Variants in GCLC observed in about 807,000 individuals in gnomAD.
GCLC encodes glutamate--cysteine ligase catalytic subunit.
A neutral mutation model predicts 81.5 loss-of-function variants in GCLC; 30 were observed. That is an observed-to-expected ratio of 0.37 (90% CI 0.28 to 0.50). The LOEUF (loss-of-function observed/expected upper bound fraction) is 0.50. GCLC is among the 20% of genes least tolerant of loss of function. The probability of loss-of-function intolerance (pLI) is 0.96; values close to 1 mark genes in which losing one functional copy is unlikely to be tolerated. For missense variants in GCLC, 556 were observed against 777.4 expected (o/e 0.72, Z 3.39); for synonymous variants, 262 against 273.3 (o/e 0.96, Z 0.41).
chr6:53,530,734 G>T (rs940231876), intron 1 of GCLC, among the ~76,000 whole-genome samples: 5 of 152,292 alleles, frequency 3.3e-5, no homozygotes, highest in East Asian at 1.9e-4. Flanking sequence ...CATTTCACTA[G>T]AAGAGAATTA....
chr6:53,526,254 G>A (rs924375720), intron 1 of GCLC, among the ~76,000 whole-genome samples: 3 of 152,174 alleles, frequency 2.0e-5, no homozygotes, highest in African/African-American at 7.2e-5. Flanking sequence ...GTACTTTTAT[G>A]TTAATCTGAA....
At chr6:53,525,383 T>C (rs747984994) in intron 1 of GCLC, among the ~76,000 whole-genome samples, 7 of 152,304 alleles carry the variant, frequency 4.6e-5, no homozygotes, top group Admixed American at 1.3e-4. Flanking sequence ...ACCGAGATGA[T>C]TGGTGATAAT....
At chr6:53,532,241 C>A (rs1763183062) in intron 1 of GCLC, among the ~76,000 whole-genome samples, 1 of 152,222 alleles carries the variant, frequency 6.6e-6, no homozygotes, top group Non-Finnish European at 1.5e-5. Flanking sequence ...CCCTTGTGGG[C>A]ATATCAGAAG....
intron 8 of GCLC, among the ~76,000 whole-genome samples, chr6:53,508,195 G>C (rs964008378): frequency 1.3e-5 from 2 of 152,124 alleles, no homozygotes; most frequent in Admixed American, 6.5e-5. Context: ...AGAGATGCAA[G>C]GGTTACTTTA....
intron 1 of GCLC, 119 bp from the exon 2 acceptor site, chr6:53,522,646 A>G (rs1371094187): frequency 4.3e-6 from 3 of 691,986 alleles, no homozygotes. Context: ...AACTCCAGAC[A>G]GTCACATTTG....
In GCLC at chr6:53,506,762, GA is replaced by G. The variant is rs1764623248; in HGVS notation, c.1197+150del. ...AAGTTCTTTACTGCACTGGGTAAAT[GA>G]AAGTCTTATGAAATTTCTTTTGTGT... On this transcript the variant is annotated intron_variant, in intron 10 of 15. Transcript: ENST00000650454. The surrounding 1 kb of genome is among the most constrained non-coding windows in gnomAD (Gnocchi z 4.0). 3.1e-6 allele frequency: 2 copies of G among 649,362 alleles called. No homozygotes were observed. Among genetic ancestry groups the G allele is most frequent in the Admixed American group, 5.1e-5 (2 of 38,946 alleles). 40.2% of individuals were successfully genotyped at this position (649,362 alleles called of 1,614,324 possible). A position where few individuals can be genotyped will look rare whatever the true frequency, so the allele number is the denominator to read the frequency against.
intron 3 of GCLC, 90 bp from the exon 4 acceptor site, chr6:53,516,312 C>A (rs1764870889): frequency 1.2e-6 from 1 of 819,636 alleles, no homozygotes; most frequent in East Asian, 2.5e-5. Context: ...GCCAAAGACA[C>A]CTCATTTCTA....
intron 14 of GCLC, 32 bp downstream of exon 14, chr6:53,500,215 G>C (rs1764480980): frequency 6.2e-7 from 1 of 1,613,186 alleles, no homozygotes; most frequent in Non-Finnish European, 8.5e-7. Flanking sequence ...GATGTGCACA[G>C]TGAGGGGTAC....
intron 1 of GCLC, among the ~76,000 whole-genome samples, chr6:53,535,605 C>T (rs1000032438): frequency 6.6e-6 from 1 of 152,196 alleles, no homozygotes; most frequent in Non-Finnish European, 1.5e-5. Flanking sequence ...ATAATACTTA[C>T]ATCCAAAATA....
intron 1 of GCLC, among the ~76,000 whole-genome samples, chr6:53,536,685 T>C (rs954025883): frequency 2.6e-5 from 4 of 152,236 alleles, no homozygotes; most frequent in Admixed American, 2.0e-4. Flanking sequence ...TCAATTAATA[T>C]TGTGACATCT....
intron 1 of GCLC, among the ~76,000 whole-genome samples, chr6:53,540,892 A>T (rs1763342326): frequency 6.6e-6 from 1 of 152,174 alleles, no homozygotes; most frequent in Non-Finnish European, 1.5e-5. Flanking sequence ...CCACAAAAAA[A>T]AGTCACACCT....
At chr6:53,513,051 A>C (rs1354816042) in intron 6 of GCLC, 1 of 152,248 alleles carries the variant, frequency 6.6e-6, no homozygotes, top group Non-Finnish European at 1.5e-5. Context: ...ACTACCTATA[A>C]ATGTCAAGAA....
At chr6:53,507,283 G>C (rs901244251) in intron 9 of GCLC, among the ~76,000 whole-genome samples, 197 bp downstream of exon 9, 1 of 152,158 alleles carries the variant, frequency 6.6e-6, no homozygotes, top group Non-Finnish European at 1.5e-5. Flanking sequence ...TCCAAAGTAA[G>C]CTCCTTTTGC....
chr6:53,535,505 A>AC (rs1763243040), intron 1 of GCLC, among the ~76,000 whole-genome samples: 1 of 150,438 alleles, frequency 6.6e-6, no homozygotes, highest in Non-Finnish European at 1.5e-5. Context: ...TAGAGTGAGA[A>AC]CTCTGTCTCA....
At chr6:53,529,490 A>C (rs974621482) in intron 1 of GCLC, among the ~76,000 whole-genome samples, 3 of 152,212 alleles carry the variant, frequency 2.0e-5, no homozygotes, top group African/African-American at 7.2e-5. Flanking sequence ...CAGCACATCA[A>C]GTTGCCAATG....
rs759935319 is a variant in GCLC, at chr6:53,507,490, C to T, written c.1074G>A (p.Leu358=). Residue 358 remains leucine, a synonymous_variant, in exon 9 of 16, where the codon CTG becomes CTA. Transcript: ENST00000650454. ...LTIDKEIYEQ[L]LQEGIDHLLA... ...GGAGTAGAAACCCACCTTCCTGCAACAGCTGTTCGTAGATCTCTTTATCTA... is the reference window on the plus strand; with the variant it reads ...GGAGTAGAAACCCACCTTCCTGCAATAGCTGTTCGTAGATCTCTTTATCTA... The T allele has an allele frequency of 1.3e-5, 21 of 1,613,002 alleles. No individual in the cohort carries two copies. The highest frequency in any genetic ancestry group is 1.7e-5 in the Non-Finnish European group (20 of 1,179,254).
chr6:53,530,205 G>T (rs1763148780), intron 1 of GCLC, among the ~76,000 whole-genome samples: 1 of 152,166 alleles, frequency 6.6e-6, no homozygotes, highest in Non-Finnish European at 1.5e-5. Flanking sequence ...GGGACAGGAC[G>T]ACAGGGCTTC....
intron 1 of GCLC, among the ~76,000 whole-genome samples, chr6:53,526,797 C>A (rs74362417): frequency 1.1e-3 from 118 of 107,444 alleles, no homozygotes; most frequent in Middle Eastern, 4.7e-3. Flanking sequence ...GACTCCGCCT[C>A]AAAAAAAAAA....
In GCLC at chr6:53,502,788, A is replaced by G. The variant is rs187519284; in HGVS notation, c.1396-2275T>C. On this transcript the variant is annotated intron_variant, in intron 12 of 15. Transcript: ENST00000650454. ...TCAAATTTGTTTTCATTTTATTTTC[A>G]CCACTTTATGTTCTATGGGCTATTG... is the stretch of plus-strand genomic sequence containing the variant. Among the ~76,000 whole-genome samples the G allele has an allele frequency of 4.7e-4, 72 of 152,114 alleles. 1 individual carries two copies. In the Middle Eastern group the frequency reaches 0.014, roughly 29 times the overall value.
Sources: allele counts gnomAD v4.1 joint callset (sites outside exome capture counted in the v4.1 genomes callset), GRCh38; gene constraint gnomAD v4.1.1; non-coding constraint Gnocchi (gnomAD v3.1); transcripts MANE v1.5; gene names NCBI Gene and HGNC (gene_info 2026-07-23, HGNC 2026-07-21).